Variants in CA10 observed in about 807,000 individuals in gnomAD.
CA10 encodes the protein carbonic anhydrase-related protein 10.
CA10 carries 14 observed loss-of-function variants against 44.2 expected under a neutral mutation model. That is an observed-to-expected ratio of 0.32 (90% CI 0.21 to 0.50). The LOEUF (loss-of-function observed/expected upper bound fraction) is 0.50. CA10 is among the 20% of genes least tolerant of loss of function. CA10 has a pLI of 0.99. For missense variants in CA10, 350 were observed against 409.7 expected, an observed-to-expected ratio of 0.85 and a Z score of 1.26; for synonymous variants, 159 against 141.6, an observed-to-expected ratio of 1.12 and a Z score of -0.87.
intron 2 of CA10, among the ~76,000 whole-genome samples, chr17:52,055,625 ATTGTG>A: frequency 2.0e-5 from 3 of 152,132 alleles, no homozygotes; most frequent in Admixed American, 6.6e-5. Flanking sequence ...CTGATATATT[ATTGTG>A]TGATATATTA....
At position 51,635,840 on chromosome 17, in the gene CA10, C is replaced by A; in HGVS notation, c.789+15G>T. On this transcript the variant is annotated intron_variant, in intron 7 of 8. Coordinates refer to ENST00000451037, the MANE Select transcript of CA10 (RefSeq NM_020178.5). Reference sequence around the variant, plus strand: ...CATTCTTCTCCATTAGCTAAATGACCAGAGAGAAACTCACCTGCATCCTGG... The same window carrying A: ...CATTCTTCTCCATTAGCTAAATGACAAGAGAGAAACTCACCTGCATCCTGG... 6.5e-7 allele frequency: 1 copy of A among 1,539,398 alleles called. No individual in the cohort carries two copies. The highest frequency in any genetic ancestry group is 8.8e-7 in the Non-Finnish European group (1 of 1,137,628).
intron 4 of CA10, among the ~76,000 whole-genome samples, chr17:51,716,479 A>AG (rs1378076466): frequency 4.7e-5 from 6 of 127,156 alleles, no homozygotes; most frequent in East Asian, 2.6e-4. Context: ...AGAAAAAAAG[A>AG]AGAGAAAAAA....
intron 1 of CA10, among the ~76,000 whole-genome samples, chr17:52,133,100 T>C (rs1046337900): frequency 6.6e-6 from 1 of 152,208 alleles, no homozygotes; most frequent in Non-Finnish European, 1.5e-5. Flanking sequence ...TTCACTGCCC[T>C]GTCTGGGCCT....
chr17:52,090,442 TG>T (rs1567729821), intron 1 of CA10, among the ~76,000 whole-genome samples: 1 of 152,186 alleles, frequency 6.6e-6, no homozygotes, highest in African/African-American at 2.4e-5. Flanking sequence ...TTGATGATGC[TG>T]AAATATTCCC....
chr17:52,032,402 C>CT (rs1157519315), intron 2 of CA10, among the ~76,000 whole-genome samples: 6 of 152,078 alleles, frequency 3.9e-5, no homozygotes, highest in African/African-American at 1.4e-4. Context: ...CTTTGTACCT[C>CT]TTTTTGCATG....
At chr17:51,782,753 C>T (rs1423797906) in intron 3 of CA10, among the ~76,000 whole-genome samples, 1 of 152,144 alleles carries the variant, frequency 6.6e-6, no homozygotes, top group East Asian at 1.9e-4. Flanking sequence ...TAGATCCTTC[C>T]AATATTCCTG....
chr17:51,984,520 A>C (rs1984762065), intron 2 of CA10, among the ~76,000 whole-genome samples: 1 of 151,932 alleles, frequency 6.6e-6, no homozygotes, highest in Non-Finnish European at 1.5e-5. Flanking sequence ...AGCAGAACTA[A>C]ATAACATAGA....
chr17:51,927,104 C>T (rs541623334), intron 3 of CA10, among the ~76,000 whole-genome samples: 171 of 152,166 alleles, frequency 1.1e-3, no homozygotes, highest in African/African-American at 3.8e-3. Flanking sequence ...AAGGATTTGT[C>T]GTGTCATCAA....
At chr17:52,095,051 A>G (rs1988369609) in intron 1 of CA10, among the ~76,000 whole-genome samples, 1 of 152,184 alleles carries the variant, frequency 6.6e-6, no homozygotes, top group South Asian at 2.1e-4. Flanking sequence ...TATCATAGCC[A>G]AAGACTGAAC....
At chr17:52,030,531 C>T (rs931444564) in intron 2 of CA10, among the ~76,000 whole-genome samples, 1 of 152,062 alleles carries the variant, frequency 6.6e-6, no homozygotes, top group Non-Finnish European at 1.5e-5. Context: ...AATATGCAGT[C>T]CTTGGGTACT....
At chr17:51,893,936 T>C (rs1709830801) in intron 3 of CA10, among the ~76,000 whole-genome samples, 2 of 152,100 alleles carry the variant, frequency 1.3e-5, no homozygotes, top group African/African-American at 4.8e-5. Context: ...GGCAATAGAA[T>C]AAACAATAAA....
intron 3 of CA10, among the ~76,000 whole-genome samples, chr17:51,868,088 A>G (rs1979632640): frequency 6.6e-6 from 1 of 151,440 alleles, no homozygotes; most frequent in South Asian, 2.1e-4. Flanking sequence ...ACACACACAC[A>G]CACACACAAA....
chr17:52,113,590 T>G (rs148430559), intron 1 of CA10, among the ~76,000 whole-genome samples: 7 of 152,332 alleles, frequency 4.6e-5, no homozygotes, highest in African/African-American at 1.4e-4. Flanking sequence ...GAAAAGATAC[T>G]GCTATGCAAT....
rs190963943 is a variant in CA10, at chr17:51,649,102, C to A, written c.634+80G>T. ...GAAACTGAAAAGGGCCCATGGAGAT[C>A]ATCAGTTCTGGCTTCCCGCCTTCAG... On this transcript the variant is annotated intron_variant, in intron 6 of 8. Coordinates refer to ENST00000451037, the MANE Select transcript of CA10 (RefSeq NM_020178.5). 1.8e-4 allele frequency: 165 copies of A among 936,634 alleles called. 1 individual carries two copies. The East Asian group carries it at 3.7e-3, about 21-fold the overall frequency. The allele number at this position is 936,634 out of a possible 1,614,324, so 58.0% of individuals were successfully genotyped here.
At chr17:51,770,602 T>G (rs530901704) in intron 3 of CA10, among the ~76,000 whole-genome samples, 1 of 152,306 alleles carries the variant, frequency 6.6e-6, no homozygotes, top group East Asian at 1.9e-4. Flanking sequence ...GTTCTTGCAT[T>G]GCTATACACA....
chr17:51,915,708 T>G (rs1174773118), intron 3 of CA10, among the ~76,000 whole-genome samples: 2 of 152,154 alleles, frequency 1.3e-5, no homozygotes, highest in Non-Finnish European at 2.9e-5. Context: ...CACAAATCAG[T>G]ATACAGATGA....
chr17:52,130,451 A>G (rs1989210720), intron 1 of CA10, among the ~76,000 whole-genome samples: 1 of 152,226 alleles, frequency 6.6e-6, no homozygotes, highest in African/African-American at 2.4e-5. Context: ...TATACACACA[A>G]ATAGAATACT....
chr17:51,946,022 T>TG (rs1476781828), intron 2 of CA10, among the ~76,000 whole-genome samples: 3 of 152,064 alleles, frequency 2.0e-5, no homozygotes, highest in Admixed American at 6.6e-5. Flanking sequence ...TGGATGAACC[T>TG]GGGGGGCGGC....
intron 3 of CA10, among the ~76,000 whole-genome samples, chr17:51,921,754 C>T (rs983433464): frequency 6.6e-6 from 1 of 152,192 alleles, no homozygotes; most frequent in African/African-American, 2.4e-5. Flanking sequence ...ATTTACTCAA[C>T]TGAGCATATT....
Sources: gnomAD v4.1 joint callset for allele counts (sites outside exome capture counted in the v4.1 genomes callset) on GRCh38, gnomAD v4.1.1 for gene constraint, MANE v1.5 for transcripts, NCBI Gene and HGNC (gene_info 2026-07-23, HGNC 2026-07-21) for gene names.